KPNA7: variants seen among roughly 807,000 people sequenced by gnomAD.
KPNA7 encodes the protein karyopherin subunit alpha 7.
Under a neutral mutation model 53.7 loss-of-function variants are expected in KPNA7, and 54 were observed. That is an observed-to-expected ratio of 1.01 (90% CI 0.81 to 1.26). KPNA7 has a LOEUF of 1.26. KPNA7 is among the 50% of genes most tolerant of loss of function. The pLI is 0.00. For missense variants in KPNA7, 640 were observed against 644.5 expected (o/e 0.99, Z 0.07); for synonymous variants, 276 against 259.3 (o/e 1.06, Z -0.62).
chr7:99,164,595 G>T, the KPNA7 span, among the ~76,000 whole-genome samples: 239 of 151,190 alleles, frequency 1.6e-3, 1 homozygote, highest in Middle Eastern at 3.4e-3. Context: ...TAACTAACCT[G>T]CACATTGTGC....
chr7:99,151,950 C>A, the KPNA7 span, among the ~76,000 whole-genome samples: 2 of 151,762 alleles, frequency 1.3e-5, no homozygotes, highest in African/African-American at 2.4e-5. Context: ...TTTGGGAGGC[C>A]GAGGCAGGCA....
chr7:99,197,787 A>G (rs1790305157), intron 3 of KPNA7, among the ~76,000 whole-genome samples: 1 of 152,216 alleles, frequency 6.6e-6, no homozygotes, highest in African/African-American at 2.4e-5. Flanking sequence ...TCTGAGGAAG[A>G]TAACACACAC....
the KPNA7 span, among the ~76,000 whole-genome samples, chr7:99,163,379 ATATATTTTTTTTTTTTT>A: frequency 1.7e-5 from 1 of 58,852 alleles, no homozygotes; most frequent in Admixed American, 2.2e-4. Flanking sequence ...ATATATATAT[ATATATTTTTTTTTTTTT>A]TTTTTTTTTT....
upstream of KPNA7, among the ~76,000 whole-genome samples, chr7:99,208,245 TTTTTA>T (rs1401819965): frequency 6.6e-6 from 1 of 151,648 alleles, no homozygotes; most frequent in Non-Finnish European, 1.5e-5. Context: ...CATGACTCAC[TTTTTA>T]TTTATTTTAT....
chr7:99,181,023 G>GTGACTC lies in KPNA7; in HGVS notation c.1317+859_1317+860insGAGTCA, dbSNP rs147400250. 6.0e-4 allele frequency among the ~76,000 whole-genome samples: 2 copies of GTGACTC among 3,350 alleles called. 1 individual carries two copies. Among genetic ancestry groups the GTGACTC allele is most frequent in the Non-Finnish European group, 2.0e-3 (2 of 1,024 alleles). 2.2% of individuals were successfully genotyped at this position (3,350 alleles called of 152,430 possible). A position where few individuals can be genotyped will look rare whatever the true frequency, so the allele number is the denominator to read the frequency against. On this transcript the variant is annotated intron_variant, in intron 9 of 10. Coordinates refer to ENST00000327442, the MANE Select transcript of KPNA7 (RefSeq NM_001145715.3). ...TCTGTCTCTCTCTCTCTGTGTGTGT[G>GTGACTC]TCTCTCTGTGTGTGTCTCTCTCTCT...
chr7:99,187,293 C>G (rs1289680157), intron 7 of KPNA7, among the ~76,000 whole-genome samples: 1 of 151,280 alleles, frequency 6.6e-6, no homozygotes, highest in African/African-American at 2.4e-5. Flanking sequence ...GTCTCACACA[C>G]AAAAAAAATA....
chr7:99,187,808 A>T (rs1363341617), intron 7 of KPNA7, among the ~76,000 whole-genome samples: 1,719 of 34,798 alleles, frequency 0.049, 241 homozygotes, highest in East Asian at 0.19. Context: ...TTAAAAAAAA[A>T]AAAAAAAAAA....
intron 2 of KPNA7, among the ~76,000 whole-genome samples, chr7:99,206,706 G>A (rs547695046): frequency 2.8e-4 from 42 of 152,116 alleles, no homozygotes; most frequent in African/African-American, 8.2e-4. Context: ...ATCTTCAAGC[G>A]ATCCTCCCAC....
chr7:99,203,281 G>A (rs552083911), intron 2 of KPNA7, 41 bp from the exon 3 acceptor site: 1 of 1,538,580 alleles, frequency 6.5e-7, no homozygotes, highest in East Asian at 2.5e-5. Context: ...AACCAGGAGT[G>A]GGGATGTCAC....
chr7:99,167,075 A>G, the KPNA7 span, among the ~76,000 whole-genome samples: 6,278 of 152,322 alleles, frequency 0.041, 202 homozygotes, highest in East Asian at 0.17. Flanking sequence ...ATCTAAGCTT[A>G]CAAGGCTCCC....
At chr7:99,206,891 T>C (rs144048720) in intron 2 of KPNA7, among the ~76,000 whole-genome samples, 140 of 152,292 alleles carry the variant, frequency 9.2e-4, no homozygotes, top group African/African-American at 3.2e-3. Flanking sequence ...GCTTTTGTCT[T>C]CTCCACCTTT....
chr7:99,208,404 T>C (rs1222995675), upstream of KPNA7, among the ~76,000 whole-genome samples: 3 of 152,218 alleles, frequency 2.0e-5, no homozygotes, highest in Admixed American at 1.3e-4. Context: ...TACAGGCACC[T>C]GCCACCACGC....
chr7:99,156,120 T>G, the KPNA7 span, among the ~76,000 whole-genome samples: 1 of 152,276 alleles, frequency 6.6e-6, no homozygotes, highest in Non-Finnish European at 1.5e-5. Flanking sequence ...TTTCTCTTTT[T>G]GGGAGGTGGG....
At chr7:99,217,264 G>C (rs1356676771) in intron 1 of KPNA7, among the ~76,000 whole-genome samples, 1 of 152,182 alleles carries the variant, frequency 6.6e-6, no homozygotes, top group Non-Finnish European at 1.5e-5. Context: ...ATGGTAATTC[G>C]AGGAGGGGAT....
chr7:99,160,017 GTTTTTT>G, the KPNA7 span, among the ~76,000 whole-genome samples: 2 of 67,662 alleles, frequency 3.0e-5, no homozygotes, highest in Admixed American at 2.0e-4. Context: ...TGTTGTTTTT[GTTTTTT>G]TTTTTTTTTT....
At chr7:99,161,772 T>A in the KPNA7 span, among the ~76,000 whole-genome samples, 2 of 152,046 alleles carry the variant, frequency 1.3e-5, no homozygotes, top group Non-Finnish European at 2.9e-5. Flanking sequence ...CTTTTACAGA[T>A]GAAAAAAACT....
chr7:99,162,980 A>G, the KPNA7 span, among the ~76,000 whole-genome samples: 1 of 152,146 alleles, frequency 6.6e-6, no homozygotes, highest in Non-Finnish European at 1.5e-5. Context: ...CGGGAGTTCA[A>G]GACCAGCCTG....
At chr7:99,163,383 ATTT>A in the KPNA7 span, among the ~76,000 whole-genome samples, 26 of 40,814 alleles carry the variant, frequency 6.4e-4, no homozygotes, top group African/African-American at 2.2e-3. Flanking sequence ...ATATATATAT[ATTT>A]TTTTTTTTTT....
chr7:99,211,966 T>C (rs958256616), upstream of KPNA7, among the ~76,000 whole-genome samples: 5 of 152,160 alleles, frequency 3.3e-5, no homozygotes, highest in African/African-American at 1.2e-4. Flanking sequence ...GTGAGTCATG[T>C]TGACCTCCTC....
Sources: allele counts gnomAD v4.1 joint callset (sites outside exome capture counted in the v4.1 genomes callset), GRCh38; gene constraint gnomAD v4.1.1; transcripts MANE v1.5; gene names NCBI Gene and HGNC (gene_info 2026-07-23, HGNC 2026-07-21).